SPIDR: variants seen among roughly 807,000 people sequenced by gnomAD.
SPIDR encodes DNA repair-scaffolding protein.
A neutral mutation model predicts 104.6 loss-of-function variants in SPIDR; 93 were observed. That is an observed-to-expected ratio of 0.89 (90% CI 0.75 to 1.06). The LOEUF (loss-of-function observed/expected upper bound fraction) is 1.06. SPIDR is among the 50% of genes least tolerant of loss of function. The probability of loss-of-function intolerance (pLI) is 0.00; values close to 1 mark genes in which losing one functional copy is unlikely to be tolerated. For missense variants in SPIDR, 1,154 were observed against 1,111.2 expected (o/e 1.04, Z -0.55); for synonymous variants, 431 against 416.9 (o/e 1.03, Z -0.41).
intron 14 of SPIDR, among the ~76,000 whole-genome samples, chr8:47,705,073 G>A (rs529612995): frequency 6.6e-6 from 1 of 152,286 alleles, no homozygotes; most frequent in Non-Finnish European, 1.5e-5. Flanking sequence ...GGCAGTTGCA[G>A]CTAACACTCC....
intron 5 of SPIDR, among the ~76,000 whole-genome samples, chr8:47,332,047 G>A (rs1587129379): frequency 1.4e-5 from 1 of 70,542 alleles, no homozygotes; most frequent in African/African-American, 5.7e-5. Flanking sequence ...TGTGCACATT[G>A]TGCAGGTTAG....
chr8:47,518,517 G>A (rs1230448555), intron 8 of SPIDR, among the ~76,000 whole-genome samples: 5 of 151,986 alleles, frequency 3.3e-5, no homozygotes, highest in African/African-American at 9.7e-5. Flanking sequence ...GTGTCTAGAC[G>A]CTGTGCTGAA....
chr8:47,420,500 A>G (rs1393032567), intron 7 of SPIDR, among the ~76,000 whole-genome samples: 6 of 152,226 alleles, frequency 3.9e-5, no homozygotes, highest in South Asian at 2.1e-4. Context: ...TTTTGAGCCT[A>G]TGTGTGTCTC....
At chr8:47,368,347 A>C (rs2057514126) in intron 5 of SPIDR, among the ~76,000 whole-genome samples, 3 of 35,120 alleles carry the variant, frequency 8.5e-5, no homozygotes, top group South Asian at 9.5e-4. Flanking sequence ...AGAAGTCAAA[A>C]AAAAAAAAAA....
At chr8:47,306,923 G>A (rs1269203442) in intron 5 of SPIDR, among the ~76,000 whole-genome samples, 1 of 152,132 alleles carries the variant, frequency 6.6e-6, no homozygotes, top group Non-Finnish European at 1.5e-5. Flanking sequence ...GTTCTGGTTA[G>A]TATTTGCATG....
At chr8:47,400,453 T>C (rs1361500995) in intron 6 of SPIDR, among the ~76,000 whole-genome samples, 6 of 152,190 alleles carry the variant, frequency 3.9e-5, no homozygotes, top group African/African-American at 1.2e-4. Flanking sequence ...GACTTCCTGT[T>C]TTACTGAGCT....
At chr8:47,590,122 C>T (rs576927619) in intron 8 of SPIDR, among the ~76,000 whole-genome samples, 8 of 149,880 alleles carry the variant, frequency 5.3e-5, no homozygotes, top group South Asian at 2.1e-4. Flanking sequence ...TGCAGTGAAC[C>T]GAGATCGTGC....
At chr8:47,466,552 C>T (rs538204710) in intron 8 of SPIDR, among the ~76,000 whole-genome samples, 1 of 152,152 alleles carries the variant, frequency 6.6e-6, no homozygotes, top group South Asian at 2.1e-4. Flanking sequence ...TGGCACTAAA[C>T]ACTCACATCA....
intron 5 of SPIDR, among the ~76,000 whole-genome samples, chr8:47,296,570 A>G (rs936094425): frequency 2.3e-4 from 35 of 152,200 alleles, no homozygotes; most frequent in African/African-American, 7.5e-4. Flanking sequence ...ATAATTGACC[A>G]CAAATGTGTG....
intron 1 of SPIDR, among the ~76,000 whole-genome samples, chr8:47,271,690 C>T (rs2035355301): frequency 6.6e-6 from 1 of 152,072 alleles, no homozygotes; most frequent in African/African-American, 2.4e-5. Context: ...GATTTAAAGT[C>T]ATTGTCTAGT....
chr8:47,315,569 G>T (rs2045175004), intron 5 of SPIDR, among the ~76,000 whole-genome samples: 1 of 151,984 alleles, frequency 6.6e-6, no homozygotes, highest in Non-Finnish European at 1.5e-5. Flanking sequence ...AGATAGAAAG[G>T]ACCTATGTTA....
At chr8:47,630,398 A>G (rs2066877393) in intron 10 of SPIDR, among the ~76,000 whole-genome samples, 1 of 152,200 alleles carries the variant, frequency 6.6e-6, no homozygotes, top group Admixed American at 6.5e-5. Flanking sequence ...TCTGGTCTCT[A>G]CAGGTTTGTG....
At chr8:47,378,619 C>A (rs1470188136) in intron 5 of SPIDR, among the ~76,000 whole-genome samples, 1 of 152,192 alleles carries the variant, frequency 6.6e-6, no homozygotes, top group Non-Finnish European at 1.5e-5. Flanking sequence ...ACTTGTGTGA[C>A]TGTGAACAAC....
At chr8:47,580,577 C>G (rs1237898311) in intron 8 of SPIDR, among the ~76,000 whole-genome samples, 2 of 151,822 alleles carry the variant, frequency 1.3e-5, no homozygotes, top group Non-Finnish European at 2.9e-5. Context: ...CCTATACGTC[C>G]TCTCCTTCCT....
intron 16 of SPIDR, among the ~76,000 whole-genome samples, chr8:47,715,580 C>A (rs906908942): frequency 2.0e-5 from 3 of 152,204 alleles, no homozygotes; most frequent in African/African-American, 7.2e-5. Context: ...ATTACTTTTG[C>A]ACAAACCTAA....
Position 47,597,957 on chromosome 8 carries a change from G to A in SPIDR, c.1294-989G>A, listed in dbSNP as rs114530587. Among the ~76,000 whole-genome samples the A allele has an allele frequency of 2.2e-3, 336 of 152,282 alleles. 1 individual carries two copies. Among genetic ancestry groups the A allele is most frequent in the African/African-American group, 7.8e-3 (325 of 41,568 alleles). ...TGACAGATCAAGGGAGGAAGAATAC[G>A]AAAGAAAAGTAGACAAACTTTCAGC... is the stretch of plus-strand genomic sequence containing the variant. On this transcript the variant is annotated intron_variant, in intron 9 of 19. Coordinates refer to ENST00000297423, the MANE Select transcript of SPIDR (RefSeq NM_001080394.4).
intron 3 of SPIDR, among the ~76,000 whole-genome samples, chr8:47,289,252 A>G (rs1280401326): frequency 6.6e-6 from 1 of 151,876 alleles, no homozygotes; most frequent in Non-Finnish European, 1.5e-5. Flanking sequence ...CTCATGGTTT[A>G]CTGTATCAGA....
At position 47,263,861 on chromosome 8, in the gene SPIDR, A is replaced by AT. The variant is rs1390932951; in HGVS notation, c.33+2872dup. 7.9e-5 allele frequency among the ~76,000 whole-genome samples: 12 copies of AT among 152,298 alleles called. 1 individual carries two copies. Among genetic ancestry groups the AT allele is most frequent in the African/African-American group, 2.2e-4 (9 of 41,546 alleles). On this transcript the variant is annotated intron_variant, in intron 1 of 19. Transcript: ENST00000297423. ...GAATTTTATGTAAATAACTCTTACT[A>AT]TTCCATGTCTTACATTAGGTTTATT...
At chr8:47,622,433 AT>A (rs1267577724) in intron 10 of SPIDR, among the ~76,000 whole-genome samples, 5 of 152,116 alleles carry the variant, frequency 3.3e-5, no homozygotes, top group African/African-American at 1.2e-4. Flanking sequence ...CCAAGGGCTG[AT>A]TAGAGGTAAG....
Sources: gnomAD v4.1 joint callset for allele counts (sites outside exome capture counted in the v4.1 genomes callset) on GRCh38, gnomAD v4.1.1 for gene constraint, MANE v1.5 for transcripts, NCBI Gene and HGNC (gene_info 2026-07-23, HGNC 2026-07-21) for gene names.